FAM107B: variants seen among roughly 807,000 people sequenced by gnomAD.
The protein encoded by FAM107B is protein FAM107B.
A neutral mutation model predicts 31.5 loss-of-function variants in FAM107B; 21 were observed. The ratio of observed to expected loss-of-function variants is 0.67; its 90% confidence interval spans 0.47 to 0.96. FAM107B has a LOEUF of 0.96. FAM107B is among the 40% of genes least tolerant of loss of function. The pLI, the probability that FAM107B is intolerant of heterozygous loss-of-function variation, is 0.00. For missense variants in FAM107B, 452 were observed against 377.1 expected, an observed-to-expected ratio of 1.20 and a Z score of -1.64; for synonymous variants, 157 against 141.5, an observed-to-expected ratio of 1.11 and a Z score of -0.78.
At chr10:14,746,979 G>GTTGTTCCTCCTTTTCATTCTTTTTCATTC (rs1429360483) in intron 1 of FAM107B, among the ~76,000 whole-genome samples, 4 of 152,148 alleles carry the variant, frequency 2.6e-5, no homozygotes, top group Non-Finnish European at 5.9e-5. Context: ...TCTTGGAGGT[G>GTTGTTCCTCCTTTTCATTCTTTTTCATTC]TTGTTCATTC....
At chr10:14,708,776 A>G (rs12356739) in intron 1 of FAM107B, among the ~76,000 whole-genome samples, 41,723 of 152,148 alleles carry the variant, frequency 0.27, 6,050 homozygotes, top group Middle Eastern at 0.41. Context: ...AGAACGTTTC[A>G]AACTCAACAA....
chr10:14,603,252 G>A (rs888785383), intron 2 of FAM107B, among the ~76,000 whole-genome samples: 2 of 152,248 alleles, frequency 1.3e-5, no homozygotes, highest in South Asian at 4.1e-4. Context: ...AAGCCACTTG[G>A]ATAGATAGAA....
intron 2 of FAM107B, among the ~76,000 whole-genome samples, chr10:14,587,226 AT>A (rs1311137867): frequency 6.6e-6 from 1 of 152,158 alleles, no homozygotes; most frequent in African/African-American, 2.4e-5. Flanking sequence ...CGTCCTTCTA[AT>A]GCGCCAGTGT....
At chr10:14,583,424 A>G (rs1588632987) in intron 2 of FAM107B, among the ~76,000 whole-genome samples, 1 of 152,300 alleles carries the variant, frequency 6.6e-6, no homozygotes, top group Non-Finnish European at 1.5e-5. Context: ...GGACCGCAGC[A>G]CAGACCACAG....
At chr10:14,652,134 T>C (rs1018988758) in intron 2 of FAM107B, among the ~76,000 whole-genome samples, 1 of 127,460 alleles carries the variant, frequency 7.8e-6, no homozygotes, top group South Asian at 2.8e-4. Flanking sequence ...ATCTAAAACA[T>C]AGATATTCAA....
intron 2 of FAM107B, among the ~76,000 whole-genome samples, chr10:14,581,160 T>C (rs1379709308): frequency 6.6e-6 from 1 of 152,120 alleles, no homozygotes; most frequent in East Asian, 1.9e-4. Context: ...GGTGCAGTGC[T>C]CGGAAGAAAA....
chr10:14,579,645 A>G (rs1851571131), intron 2 of FAM107B, among the ~76,000 whole-genome samples: 1 of 152,208 alleles, frequency 6.6e-6, no homozygotes, highest in South Asian at 2.1e-4. Context: ...GAATTTCAAA[A>G]CCAAGTTTGT....
At chr10:14,767,618 C>T (rs966225528) in intron 1 of FAM107B, among the ~76,000 whole-genome samples, 1 of 149,228 alleles carries the variant, frequency 6.7e-6, no homozygotes, top group Admixed American at 6.6e-5. Context: ...AATTCAACAC[C>T]CTTTCATAAT....
chr10:14,722,933 T>C (rs1278169201), intron 1 of FAM107B, among the ~76,000 whole-genome samples: 1 of 152,212 alleles, frequency 6.6e-6, no homozygotes, highest in Non-Finnish European at 1.5e-5. Context: ...TCTTCTAAGA[T>C]TGTATTGTCT....
intron 2 of FAM107B, among the ~76,000 whole-genome samples, chr10:14,550,040 A>G (rs1216626811): frequency 2.0e-5 from 3 of 152,190 alleles, no homozygotes; most frequent in Non-Finnish European, 4.4e-5. Flanking sequence ...AATATTCAAC[A>G]TTTCAAAAAT....
chr10:14,731,703 T>C (rs1437275637), intron 1 of FAM107B, among the ~76,000 whole-genome samples: 1 of 152,198 alleles, frequency 6.6e-6, no homozygotes, highest in Non-Finnish European at 1.5e-5. Flanking sequence ...TATAATACCA[T>C]CTTTTTACTG....
chr10:14,582,702 G>C (rs1383541521), intron 2 of FAM107B, among the ~76,000 whole-genome samples: 1 of 151,866 alleles, frequency 6.6e-6, no homozygotes, highest in Admixed American at 6.6e-5. Flanking sequence ...ACGTTGTACT[G>C]AGTACTTATT....
chr10:14,570,092 C>A (rs1330918593), intron 2 of FAM107B, among the ~76,000 whole-genome samples: 1 of 152,136 alleles, frequency 6.6e-6, no homozygotes, highest in Non-Finnish European at 1.5e-5. Flanking sequence ...TTGCATTTAT[C>A]ATTGCTACAG....
At chr10:14,759,775 G>A (rs1398656901) in intron 1 of FAM107B, among the ~76,000 whole-genome samples, 1 of 151,534 alleles carries the variant, frequency 6.6e-6, no homozygotes, top group African/African-American at 2.4e-5. Flanking sequence ...GCAGTAGTGC[G>A]ATCTCGGTTC....
Position 14,689,049 on chromosome 10 carries a change from G to A in FAM107B, c.412-21358C>T, listed in dbSNP as rs1462828712. Among the ~76,000 whole-genome samples, 4 of 152,140 alleles carry A rather than the reference G, an allele frequency of 2.6e-5. No individual in the cohort carries two copies. The East Asian group carries it at 7.7e-4, about 29-fold the overall frequency. The stretch of plus-strand genomic sequence containing the variant: ...AACATTGACTGAGCATCTACTATGT[G>A]CATGTCGCTGGGCTGGTGTGGGAAA... On this transcript the variant is annotated intron_variant, in intron 1 of 4. Coordinates refer to ENST00000181796, the MANE Select transcript of FAM107B (RefSeq NM_031453.4).
chr10:14,558,407 A>G (rs1258977771), intron 2 of FAM107B, among the ~76,000 whole-genome samples: 1 of 152,246 alleles, frequency 6.6e-6, no homozygotes, highest in Non-Finnish European at 1.5e-5. Context: ...GAGGTGTAAA[A>G]TAATTCCTTG....
intron 1 of FAM107B, among the ~76,000 whole-genome samples, chr10:14,772,362 A>AATATATAT (rs1554759098): frequency 2.5e-3 from 363 of 145,606 alleles, no homozygotes; most frequent in African/African-American, 9.0e-3. Context: ...TTAAAAAAAA[A>AATATATAT]ATATATATAT....
chr10:14,575,261 T>C (rs191130048), intron 2 of FAM107B, among the ~76,000 whole-genome samples: 2 of 152,050 alleles, frequency 1.3e-5, no homozygotes, highest in Admixed American at 6.5e-5. Context: ...TGGAGTGTAG[T>C]GGTGCACTCT....
At chr10:14,689,200 C>T (rs1429623323) in intron 1 of FAM107B, among the ~76,000 whole-genome samples, 4 of 151,672 alleles carry the variant, frequency 2.6e-5, no homozygotes, top group African/African-American at 9.7e-5. Context: ...GGCCACATAG[C>T]AAAACCTCAT....
Sources: gnomAD v4.1 joint callset for allele counts (sites outside exome capture counted in the v4.1 genomes callset) on GRCh38, gnomAD v4.1.1 for gene constraint, MANE v1.5 for transcripts, NCBI Gene and HGNC (gene_info 2026-07-23, HGNC 2026-07-21) for gene names.